The following PHACTR2 variants were observed in gnomAD, a reference collection of about 807,000 sequenced individuals.
The protein encoded by PHACTR2 is chromosome 6 open reading frame 56.
A neutral mutation model predicts 76.0 loss-of-function variants in PHACTR2; 30 were observed. That is an observed-to-expected ratio of 0.39 (90% CI 0.30 to 0.54). The LOEUF (loss-of-function observed/expected upper bound fraction) is 0.54, where lower values mean the gene tolerates loss of function less well. Ranked by LOEUF, PHACTR2 falls within the 20% of genes least tolerant of loss-of-function variation. The pLI is 0.61. For missense variants in PHACTR2, 696 were observed against 781.1 expected, an observed-to-expected ratio of 0.89 and a Z score of 1.30; for synonymous variants, 292 against 292.5, an observed-to-expected ratio of 1.00 and a Z score of 0.02.
chr6:143,632,577 A>G (rs1020766645), intron 1 of PHACTR2, among the ~76,000 whole-genome samples: 1 of 152,204 alleles, frequency 6.6e-6, no homozygotes, highest in Non-Finnish European at 1.5e-5. Context: ...GTTAGAATCA[A>G]TGAAACTACA....
chr6:143,576,875 CAAAAAAAAAAAAA>C lies in PHACTR2; in HGVS notation c.217+39689_217+39701del, dbSNP rs35937662. Among the ~76,000 whole-genome samples the C allele has an allele frequency of 2.0e-3, 208 of 102,566 alleles. 2 individuals are homozygous for C. Among genetic ancestry groups the C allele is most frequent in the African/African-American group, 7.3e-3 (192 of 26,458 alleles). The allele number at this position is 102,566 out of a possible 152,430, so 67.3% of individuals were successfully genotyped here. A position where few individuals can be genotyped will look rare whatever the true frequency, so the allele number is the denominator to read the frequency against. The stretch of plus-strand genomic sequence containing the variant: ...TGGGTGACAGAGTGAGACTCTGTCT[CAAAAAAAAAAAAA>C]AAAAAAAAAAAAAAAAAAAATTATT... On this transcript the variant is annotated intron_variant, in intron 1 of 11. Transcript: ENST00000367584.
At position 143,559,035 on chromosome 6, in the gene PHACTR2, C is replaced by A. The variant is rs117037423; in HGVS notation, c.217+21828C>A. 1.1e-3 allele frequency among the ~76,000 whole-genome samples: 168 copies of A among 152,284 alleles called. 5 individuals carry two copies. In the East Asian group the frequency reaches 0.032, roughly 29 times the overall value. On this transcript the variant is annotated intron_variant, in intron 1 of 11. Transcript: ENST00000367584. Reference sequence around the variant, plus strand: ...ATGGTAGCTTTTAGCCCCCTCGGCCCATCTTTGACTTCTGCTACCCATGTG... The same window carrying A: ...ATGGTAGCTTTTAGCCCCCTCGGCCAATCTTTGACTTCTGCTACCCATGTG...
rs9484782 is a variant in PHACTR2 at position 143,608,673 on chromosome 6, G to A, written c.13+351G>A. ...ACTAAGGGATGGCACAAGGTAGATG[G>A]AATTAAGTTAATGAGCTGAGCAAAA... On this transcript the variant is annotated intron_variant, in intron 1 of 11. Transcript: ENST00000305766. The surrounding 1 kb of genome is among the most constrained non-coding windows in gnomAD (Gnocchi z 4.6). 9.0e-3 allele frequency among the ~76,000 whole-genome samples: 1,372 copies of A among 152,300 alleles called. 20 individuals carry two copies. Among genetic ancestry groups the A allele is most frequent in the African/African-American group, 0.029 (1,196 of 41,556 alleles).
intron 12 of PHACTR2, among the ~76,000 whole-genome samples, chr6:143,815,489 A>AGAAAAGGG (rs1346665759): frequency 6.6e-6 from 1 of 152,210 alleles, no homozygotes; most frequent in East Asian, 1.9e-4. Flanking sequence ...ACTCTTTTAA[A>AGAAAAGGG]GAAAAGGGGA....
In PHACTR2 at chr6:143,550,890, T is replaced by C. The variant is rs1292475013; in HGVS notation, c.217+13683T>C. 2.0e-5 allele frequency among the ~76,000 whole-genome samples: 3 copies of C among 151,800 alleles called. No homozygotes were observed. Among genetic ancestry groups the C allele is most frequent in the Admixed American group, 2.0e-4 (3 of 15,230 alleles). On this transcript the variant is annotated intron_variant, in intron 1 of 11. Transcript: ENST00000367584. The surrounding 1 kb of genome is among the most constrained non-coding windows in gnomAD (Gnocchi z 4.8). ...CCCATCTCTAGAAAAAATACAAAAA[T>C]TAGCTGAGTGTGGTGGCATGTGTCT... is the stretch of plus-strand genomic sequence containing the variant.
At chr6:143,576,217 T>A (rs979195089) in intron 1 of PHACTR2, among the ~76,000 whole-genome samples, 1 of 152,214 alleles carries the variant, frequency 6.6e-6, no homozygotes, top group Non-Finnish European at 1.5e-5. Context: ...TACCTTTGAG[T>A]TATATAACAC....
At position 143,829,423 on chromosome 6, in the gene PHACTR2, T is replaced by G. The variant is rs1776614716; in HGVS notation, c.*5734T>G. ...CCTGCTTATCCTATTAACGAAGCATTTAATTCACACACAAATGCTTGAATT... is the reference window on the plus strand; with the variant it reads ...CCTGCTTATCCTATTAACGAAGCATGTAATTCACACACAAATGCTTGAATT... On this transcript the variant is annotated 3_prime_UTR_variant, in exon 13 of 13. Coordinates refer to ENST00000440869, the MANE Select transcript of PHACTR2 (RefSeq NM_001100164.2). 1 of 152,160 alleles carries G rather than the reference T, an allele frequency of 6.6e-6. No individual in the cohort carries two copies. The highest frequency in any genetic ancestry group is 1.5e-5 in the Non-Finnish European group (1 of 68,026). The allele number at this position is 152,160 out of a possible 1,614,324, so 9.4% of individuals were successfully genotyped here.
At position 143,633,127 on chromosome 6, in the gene PHACTR2, G is replaced by T. The variant is rs1187537448; in HGVS notation, c.13+24805G>T. On this transcript the variant is annotated intron_variant, in intron 1 of 11. Coordinates refer to the PHACTR2 transcript ENST00000305766. The surrounding 1 kb of genome is among the most constrained non-coding windows in gnomAD (Gnocchi z 4.1). ...TCAGCCGATTTGGTTAAATACCAAG[G>T]CGTGCAATTGCTGAATCATAGGGTG... Among the ~76,000 whole-genome samples, 1 of 152,198 alleles carries T rather than the reference G, an allele frequency of 6.6e-6. No individual in the cohort carries two copies. Among genetic ancestry groups the T allele is most frequent in the Non-Finnish European group, 1.5e-5 (1 of 68,040 alleles).
intron 1 of PHACTR2, among the ~76,000 whole-genome samples, chr6:143,628,948 T>C (rs796774617): frequency 1.6e-4 from 8 of 50,634 alleles, no homozygotes; most frequent in South Asian, 9.5e-4. Context: ...TATATATATA[T>C]ATATATATAT....
rs374037948 is a variant in PHACTR2, at chr6:143,744,238, T to C, written c.215-4747T>C. Among the ~76,000 whole-genome samples, 38 of 152,324 alleles carry C rather than the reference T, an allele frequency of 2.5e-4. No individual in the cohort carries two copies. In the East Asian group the frequency reaches 7.1e-3, roughly 29 times the overall value. On this transcript the variant is annotated intron_variant, in intron 2 of 12. Transcript: ENST00000440869. The stretch of plus-strand genomic sequence containing the variant: ...GGAGGGAGAAGACAGAAGATTCTTG[T>C]CGCTCAGGGTTTTGCCACAAGCCTC...
Position 143,801,799 on chromosome 6 carries a change from A to G in PHACTR2, c.1846-5258A>G, listed in dbSNP as rs943421264. Among the ~76,000 whole-genome samples, 1 of 152,132 alleles carries G rather than the reference A, an allele frequency of 6.6e-6. No homozygotes were observed. The highest frequency in any genetic ancestry group is 1.5e-5 in the Non-Finnish European group (1 of 68,024). On this transcript the variant is annotated intron_variant, in intron 11 of 12. Coordinates refer to ENST00000440869, the MANE Select transcript of PHACTR2 (RefSeq NM_001100164.2). The surrounding 1 kb of genome is among the most constrained non-coding windows in gnomAD (Gnocchi z 4.6). ...AGGCATTCTGGTTTTTGGAATTTTC[A>G]GCCTTTCTGCCTTGGTTTCTCCCCA...
Position 143,618,609 on chromosome 6 carries a change from G to T in PHACTR2, c.13+10287G>T, listed in dbSNP as rs535578902. On this transcript the variant is annotated intron_variant, in intron 1 of 11. Transcript: ENST00000305766. The surrounding 1 kb of genome is among the most constrained non-coding windows in gnomAD (Gnocchi z 5.2). Reference sequence around the variant, plus strand: ...ACCAGGGACTGGCAGGGGAGGCTGGGGGGGGATAGGGGTTGAATGTTTCCC... The same window carrying T: ...ACCAGGGACTGGCAGGGGAGGCTGGTGGGGGATAGGGGTTGAATGTTTCCC... Among the ~76,000 whole-genome samples the T allele has an allele frequency of 1.7e-3, 265 of 151,956 alleles. 1 individual carries two copies. The highest frequency in any genetic ancestry group is 6.0e-3 in the African/African-American group (249 of 41,438).
chr6:143,756,339 C>T (rs1207560004), intron 4 of PHACTR2, among the ~76,000 whole-genome samples: 1 of 152,052 alleles, frequency 6.6e-6, no homozygotes, highest in African/African-American at 2.4e-5. Context: ...AGACTTCTTC[C>T]TTAAGGTCTT....
In PHACTR2 at chr6:143,557,063, G is replaced by T. The variant is rs536913737; in HGVS notation, c.217+19856G>T. On this transcript the variant is annotated intron_variant, in intron 1 of 11. Transcript: ENST00000367584. This position sits in a 1 kb window ranked among gnomAD's most constrained non-coding sequence, Gnocchi z 5.5. ...CGCCTACCATCTCTCTCCAAAATAT[G>T]TTCTCCATGTGGTTCGGCAAGAGGA... 6.6e-6 allele frequency among the ~76,000 whole-genome samples: 1 copy of T among 152,138 alleles called. No homozygotes were observed. The highest frequency in any genetic ancestry group is 1.9e-4 in the East Asian group (1 of 5,192).
At chr6:143,691,012 T>C (rs1582775809) in intron 1 of PHACTR2, among the ~76,000 whole-genome samples, 1 of 152,216 alleles carries the variant, frequency 6.6e-6, no homozygotes, top group Admixed American at 6.5e-5. Flanking sequence ...ATTGTGAAAC[T>C]CACCTAGTGT....
chr6:143,744,980 G>T (rs1779025088), intron 2 of PHACTR2, among the ~76,000 whole-genome samples: 1 of 152,166 alleles, frequency 6.6e-6, no homozygotes, highest in South Asian at 2.1e-4. Context: ...TTCCAGTTGG[G>T]ATAAAAGTGA....
chr6:143,637,396 T>A (rs1776477530), intron 1 of PHACTR2, among the ~76,000 whole-genome samples: 1 of 152,226 alleles, frequency 6.6e-6, no homozygotes, highest in Non-Finnish European at 1.5e-5. Context: ...ACAGGAAACG[T>A]AACAATGATA....
At position 143,648,519 on chromosome 6, in the gene PHACTR2, T is replaced by C. The variant is rs1308893365; in HGVS notation, c.13+40197T>C. Among the ~76,000 whole-genome samples the C allele has an allele frequency of 6.6e-6, 1 of 151,594 alleles. No individual in the cohort carries two copies. Among genetic ancestry groups the C allele is most frequent in the Non-Finnish European group, 1.5e-5 (1 of 67,874 alleles). The stretch of plus-strand genomic sequence containing the variant: ...GATAGAAAGGGAAGCCTGCGATGGG[T>C]GGGTTGAGTCAGGTAAGACAGAGAA... On this transcript the variant is annotated intron_variant, in intron 1 of 11. Coordinates refer to the PHACTR2 transcript ENST00000305766. The surrounding 1 kb of genome is among the most constrained non-coding windows in gnomAD (Gnocchi z 6.7).
intron 2 of PHACTR2, among the ~76,000 whole-genome samples, chr6:143,728,216 C>CTTTTTTTTTTTTTTTTT (rs548709835): frequency 1.5e-3 from 124 of 83,686 alleles, no homozygotes; most frequent in Admixed American, 1.9e-3. Flanking sequence ...TTTTTTCTTT[C>CTTTTTTTTTTTTTTTTT]TTTTTTTTTT....
Sources: allele counts gnomAD v4.1 joint callset (sites outside exome capture counted in the v4.1 genomes callset), GRCh38; gene constraint gnomAD v4.1.1; non-coding constraint Gnocchi (gnomAD v3.1); transcripts MANE v1.5; gene names NCBI Gene and HGNC (gene_info 2026-07-23, HGNC 2026-07-21).